Variants in NPAS2 observed in about 807,000 individuals in gnomAD.
NPAS2 encodes the protein neuronal PAS domain-containing protein 2.
Under a neutral mutation model 107.5 loss-of-function variants are expected in NPAS2, and 23 were observed. That is an observed-to-expected ratio of 0.21 (90% CI 0.15 to 0.30). The LOEUF is 0.30. Ranked by LOEUF, NPAS2 falls within the 10% of genes least tolerant of loss-of-function variation. The pLI is 1.00. For missense variants in NPAS2, 756 were observed against 1,043.3 expected (o/e 0.72, Z 3.79); for synonymous variants, 403 against 417.5 (o/e 0.97, Z 0.42).
At chr2:100,903,125 C>A (rs1024926274) in intron 1 of NPAS2, among the ~76,000 whole-genome samples, 1 of 152,206 alleles carries the variant, frequency 6.6e-6, no homozygotes, top group Non-Finnish European at 1.5e-5. Flanking sequence ...AGCAGCCAGC[C>A]CTCCTGTGGA....
chr2:100,833,416 C>G (rs998451439), intron 1 of NPAS2, among the ~76,000 whole-genome samples: 3 of 152,232 alleles, frequency 2.0e-5, no homozygotes, highest in African/African-American at 7.2e-5. Context: ...GCACACCCAG[C>G]TGGGTAAATG....
chr2:100,827,504 C>A (rs1231480658), intron 1 of NPAS2, among the ~76,000 whole-genome samples: 1 of 151,994 alleles, frequency 6.6e-6, no homozygotes, highest in Non-Finnish European at 1.5e-5. Context: ...TGATGTAGTA[C>A]CCAATAGTTA....
intron 15 of NPAS2, among the ~76,000 whole-genome samples, chr2:100,978,219 TAG>T (rs1677157311): frequency 1.3e-5 from 2 of 152,170 alleles, no homozygotes; most frequent in African/African-American, 4.8e-5. Context: ...TGTGACCTCA[TAG>T]TTTAGCTCCC....
At chr2:100,846,129 T>C (rs1356649907) in intron 1 of NPAS2, among the ~76,000 whole-genome samples, 1 of 152,250 alleles carries the variant, frequency 6.6e-6, no homozygotes, top group African/African-American at 2.4e-5. Context: ...CATGTGGTTT[T>C]CTGAAGGTCA....
intron 1 of NPAS2, among the ~76,000 whole-genome samples, chr2:100,854,402 C>T (rs916938461): frequency 3.3e-5 from 5 of 152,134 alleles, no homozygotes; most frequent in African/African-American, 1.2e-4. Context: ...GAGACCTCAA[C>T]CAGGGCCTCA....
intron 7 of NPAS2, among the ~76,000 whole-genome samples, chr2:100,959,107 AAAC>A (rs1307375891): frequency 0.053 from 3,280 of 62,430 alleles, 144 homozygotes; most frequent in African/African-American, 0.14. Flanking sequence ...AAAAAAAAAA[AAAC>A]AAAACTAAAA....
intron 2 of NPAS2, among the ~76,000 whole-genome samples, chr2:100,908,266 C>T (rs1682297685): frequency 2.0e-5 from 3 of 152,200 alleles, no homozygotes; most frequent in Non-Finnish European, 4.4e-5. Flanking sequence ...TCCCCTGGCA[C>T]AGTGCAGTAT....
At position 100,879,173 on chromosome 2, in the gene NPAS2, C is replaced by T. The variant is rs566165348; in HGVS notation, c.-22-25560C>T. On this transcript the variant is annotated intron_variant, in intron 1 of 20. Coordinates refer to ENST00000335681, the MANE Select transcript of NPAS2 (RefSeq NM_002518.4). ...TTTTCATGAAGGTGCAATAGATCTC[C>T]AGGGCACATGTTGCTAAACATGAAT... Among the ~76,000 whole-genome samples the T allele has an allele frequency of 2.4e-4, 36 of 151,838 alleles. 1 individual carries two copies. In the South Asian group the frequency reaches 7.3e-3, roughly 31 times the overall value.
At chr2:100,855,755 G>A (rs1272498299) in intron 1 of NPAS2, among the ~76,000 whole-genome samples, 2 of 152,164 alleles carry the variant, frequency 1.3e-5, no homozygotes, top group Non-Finnish European at 2.9e-5. Flanking sequence ...AGGCAACCAG[G>A]CCCATTCCCC....
At chr2:100,838,995 C>T (rs1489916036) in intron 1 of NPAS2, among the ~76,000 whole-genome samples, 1 of 152,134 alleles carries the variant, frequency 6.6e-6, no homozygotes, top group Non-Finnish European at 1.5e-5. Flanking sequence ...ATGTGCCTGA[C>T]TCTCCTGCCT....
intron 15 of NPAS2, among the ~76,000 whole-genome samples, chr2:100,978,280 T>C (rs1334492794): frequency 1.4e-4 from 22 of 152,206 alleles, no homozygotes; most frequent in Admixed American, 1.3e-3. Flanking sequence ...TCTGAGTTGC[T>C]TCATTTAGAA....
chr2:100,834,129 T>G (rs1443299822), intron 1 of NPAS2, among the ~76,000 whole-genome samples: 1 of 152,086 alleles, frequency 6.6e-6, no homozygotes, highest in Admixed American at 6.5e-5. Context: ...CCCTTCCTGG[T>G]GGCTCAGTGC....
At chr2:100,994,031 AT>A (rs774124001) in intron 20 of NPAS2, 18 of 152,588 alleles carry the variant, frequency 1.2e-4, no homozygotes, top group Non-Finnish European at 2.1e-4. Context: ...GAAGGCAAAA[AT>A]TACTTCAAGC....
chr2:100,871,502 T>C (rs887793546), intron 1 of NPAS2, among the ~76,000 whole-genome samples: 2 of 152,060 alleles, frequency 1.3e-5, no homozygotes, highest in Admixed American at 6.6e-5. Context: ...GGCTAATTTT[T>C]GTATTTTTGG....
intron 5 of NPAS2, among the ~76,000 whole-genome samples, chr2:100,938,786 A>G (rs995519151): frequency 2.6e-5 from 4 of 151,918 alleles, no homozygotes; most frequent in Non-Finnish European, 4.4e-5. Context: ...TGCACACAGC[A>G]TCATTGTGAA....
chr2:100,952,398 C>G (rs1675281062), intron 7 of NPAS2, among the ~76,000 whole-genome samples: 1 of 151,522 alleles, frequency 6.6e-6, no homozygotes. Context: ...AACCCCGTCT[C>G]TACTAAAAAT....
intron 1 of NPAS2, among the ~76,000 whole-genome samples, chr2:100,858,978 C>T (rs1678761622): frequency 6.6e-6 from 1 of 152,174 alleles, no homozygotes; most frequent in African/African-American, 2.4e-5. Flanking sequence ...AAAACACATG[C>T]ATTTGTCTGG....
intron 1 of NPAS2, chr2:100,847,347 A>G (rs62156103): frequency 0.18 from 28,151 of 152,170 alleles, 3,696 homozygotes; most frequent in Non-Finnish European, 0.27. Flanking sequence ...ACTTTAGATT[A>G]TGTATACTTT....
At chr2:100,927,139 T>G (rs1683628074) in intron 3 of NPAS2, among the ~76,000 whole-genome samples, 1 of 152,020 alleles carries the variant, frequency 6.6e-6, no homozygotes, top group Non-Finnish European at 1.5e-5. Context: ...TTTCACCATG[T>G]TAGCCAGGAT....
Sources: allele counts gnomAD v4.1 joint callset (sites outside exome capture counted in the v4.1 genomes callset), GRCh38; gene constraint gnomAD v4.1.1; transcripts MANE v1.5; gene names NCBI Gene and HGNC (gene_info 2026-07-23, HGNC 2026-07-21).